ALDH1A2: variants seen among roughly 807,000 people sequenced by gnomAD.
The protein encoded by ALDH1A2 is retinal dehydrogenase 2.
In ALDH1A2, 27 loss-of-function variants were observed where a neutral mutation model predicts 60.3. That is an observed-to-expected ratio of 0.45 (90% CI 0.33 to 0.62). ALDH1A2 has a LOEUF of 0.62. Ranked by LOEUF, ALDH1A2 falls within the 20% of genes least tolerant of loss-of-function variation. ALDH1A2 has a pLI of 0.02. For synonymous variants in ALDH1A2, 289 were observed against 232.4 expected (o/e 1.24, Z -2.21); for missense variants, 581 against 643.8 (o/e 0.90, Z 1.06).
intron 7 of ALDH1A2, among the ~76,000 whole-genome samples, chr15:57,983,037 T>TTTCACATCCTATTA (rs1405830579): frequency 2.6e-5 from 4 of 152,180 alleles, no homozygotes; most frequent in African/African-American, 9.7e-5. Context: ...CTATAAGGTT[T>TTTCACATCCTATTA]TTCACATCCT....
intron 3 of ALDH1A2, among the ~76,000 whole-genome samples, chr15:58,012,607 A>G (rs1895665473): frequency 6.6e-6 from 1 of 152,204 alleles, no homozygotes; most frequent in Non-Finnish European, 1.5e-5. Flanking sequence ...GTATGAATAA[A>G]CACCTCATTG....
chr15:57,970,641 T>A (rs1440427899), intron 7 of ALDH1A2, among the ~76,000 whole-genome samples: 4 of 151,826 alleles, frequency 2.6e-5, no homozygotes, highest in East Asian at 1.9e-4. Context: ...TTGGGTAAAA[T>A]TTTTTTTTAT....
intron 1 of ALDH1A2, among the ~76,000 whole-genome samples, chr15:58,022,930 T>C (rs1022286769): frequency 6.6e-5 from 10 of 152,134 alleles, no homozygotes; most frequent in Admixed American, 4.6e-4. Context: ...GATATCAACA[T>C]AAGGACAACA....
intron 1 of ALDH1A2, among the ~76,000 whole-genome samples, chr15:58,021,457 G>C (rs1895924506): frequency 6.6e-6 from 1 of 152,128 alleles, no homozygotes; most frequent in African/African-American, 2.4e-5. Flanking sequence ...TGGGTGAGTG[G>C]GAGACTTCCA....
At chr15:58,063,066 A>C (rs1156845012) in intron 1 of ALDH1A2, among the ~76,000 whole-genome samples, 6 of 152,198 alleles carry the variant, frequency 3.9e-5, no homozygotes, top group South Asian at 2.1e-4. Flanking sequence ...AAAAATACAG[A>C]AAAATACAAG....
At chr15:58,009,321 T>C (rs1235366394) in intron 4 of ALDH1A2, among the ~76,000 whole-genome samples, 1 of 151,904 alleles carries the variant, frequency 6.6e-6, no homozygotes, top group Admixed American at 6.6e-5. Flanking sequence ...ACTTATTCAG[T>C]CAAAAACTGC....
At chr15:57,988,584 G>T (rs1215741424) in intron 7 of ALDH1A2, among the ~76,000 whole-genome samples, 1 of 152,174 alleles carries the variant, frequency 6.6e-6, no homozygotes, top group African/African-American at 2.4e-5. Context: ...AGCCAAGGGT[G>T]TTACCTGCAA....
intron 3 of ALDH1A2, among the ~76,000 whole-genome samples, chr15:58,011,023 G>A (rs1050632733): frequency 3.9e-5 from 6 of 152,036 alleles, no homozygotes; most frequent in Admixed American, 2.0e-4. Context: ...ATCCAAATAC[G>A]TTAACACAAT....
intron 1 of ALDH1A2, among the ~76,000 whole-genome samples, chr15:58,042,032 T>C (rs1273890631): frequency 6.6e-6 from 1 of 151,914 alleles, no homozygotes; most frequent in East Asian, 1.9e-4. Context: ...ACTACTGTAT[T>C]AGGATTTGAA....
chr15:58,028,327 A>G (rs960154823), intron 1 of ALDH1A2, among the ~76,000 whole-genome samples: 3 of 152,214 alleles, frequency 2.0e-5, no homozygotes, highest in Non-Finnish European at 4.4e-5. Context: ...GAGAAATAAA[A>G]TCCTTCACAA....
At position 58,004,671 on chromosome 15, in the gene ALDH1A2, T is replaced by C. The variant is rs558136051; in HGVS notation, c.493+5978A>G. Among the ~76,000 whole-genome samples the C allele has an allele frequency of 2.1e-4, 31 of 150,216 alleles. 1 individual carries two copies. The South Asian group carries it at 6.3e-3, about 31-fold the overall frequency. ...AAAAGAAATGATTTCATAATTTTTA[T>C]GGCTGTGTAGTATCCCATGATTTGT... On this transcript the variant is annotated intron_variant, in intron 4 of 12. Coordinates refer to ENST00000249750, the MANE Select transcript of ALDH1A2 (RefSeq NM_003888.4).
At position 57,954,742 on chromosome 15, in the gene ALDH1A2, C is replaced by A; in HGVS notation, c.*455G>T. On this transcript the variant is annotated 3_prime_UTR_variant, in exon 13 of 13. Coordinates refer to ENST00000249750, the MANE Select transcript of ALDH1A2 (RefSeq NM_003888.4). ...GAAAAATTGTTCCCGGCCCAAACAT[C>A]TGCCCCAGAATGAGCTCAGCTGACA... 5.2e-6 allele frequency: 1 copy of A among 191,502 alleles called. No homozygotes were observed. The highest frequency in any genetic ancestry group is 1.1e-5 in the Non-Finnish European group (1 of 89,520). 11.9% of individuals were successfully genotyped at this position (191,502 alleles called of 1,614,324 possible). A position where few individuals can be genotyped will look rare whatever the true frequency, so the allele number is the denominator to read the frequency against.
chr15:58,007,319 A>G (rs12591715), intron 4 of ALDH1A2, among the ~76,000 whole-genome samples: 214 of 152,044 alleles, frequency 1.4e-3, no homozygotes, highest in African/African-American at 4.8e-3. Flanking sequence ...AATAAACCAT[A>G]TATTAGTATA....
chr15:58,026,664 C>T (rs1184596022), intron 1 of ALDH1A2, among the ~76,000 whole-genome samples: 1 of 152,162 alleles, frequency 6.6e-6, no homozygotes, highest in African/African-American at 2.4e-5. Flanking sequence ...CACTCTTGCC[C>T]AAATACTGTG....
rs1380810274 is a variant in ALDH1A2, at chr15:58,065,684, G to A, written c.-34C>T. The A allele has an allele frequency of 3.0e-5, 44 of 1,452,076 alleles. No individual in the cohort carries two copies. The highest frequency in any genetic ancestry group is 4.0e-5 in the Non-Finnish European group (43 of 1,075,658). The allele number at this position is 1,452,076 out of a possible 1,614,324, so 89.9% of individuals were successfully genotyped here. On this transcript the variant is annotated 5_prime_UTR_variant, in exon 1 of 13. Transcript: ENST00000249750. Reference sequence around the variant, plus strand: ...GCCGGGTGTCCCTAGCCCGCGGCGTGGGGCAGTGCGGGCTGTGCGCGCGGT... The same window carrying A: ...GCCGGGTGTCCCTAGCCCGCGGCGTAGGGCAGTGCGGGCTGTGCGCGCGGT...
intron 1 of ALDH1A2, among the ~76,000 whole-genome samples, chr15:58,047,649 T>G (rs1436291547): frequency 6.6e-6 from 1 of 152,008 alleles, no homozygotes; most frequent in African/African-American, 2.4e-5. Context: ...CCCAACTTTT[T>G]TTACTTCTAA....
chr15:58,017,537 A>G (rs1895819638), intron 1 of ALDH1A2, among the ~76,000 whole-genome samples: 1 of 152,218 alleles, frequency 6.6e-6, no homozygotes, highest in Non-Finnish European at 1.5e-5. Flanking sequence ...ATAATAATGC[A>G]TATGCAGGAA....
intron 4 of ALDH1A2, among the ~76,000 whole-genome samples, chr15:58,009,802 CA>C (rs1360428549): frequency 1.2e-4 from 18 of 152,128 alleles, no homozygotes; most frequent in Admixed American, 1.2e-3. Flanking sequence ...TTTACTTCGC[CA>C]GACCTCTTTC....
chr15:57,969,861 T>C (rs1042875944), intron 7 of ALDH1A2, among the ~76,000 whole-genome samples: 1 of 152,216 alleles, frequency 6.6e-6, no homozygotes, highest in Non-Finnish European at 1.5e-5. Context: ...CCTGGCTAAT[T>C]ATAACCATAT....
Sources: allele counts gnomAD v4.1 joint callset (sites outside exome capture counted in the v4.1 genomes callset), GRCh38; gene constraint gnomAD v4.1.1; transcripts MANE v1.5; gene names NCBI Gene and HGNC (gene_info 2026-07-23, HGNC 2026-07-21).